CDC42BPA: variants seen among roughly 807,000 people sequenced by gnomAD.
CDC42BPA encodes the protein serine/threonine-protein kinase MRCK alpha.
CDC42BPA carries 80 observed loss-of-function variants against 223.5 expected under a neutral mutation model. That is an observed-to-expected ratio of 0.36 (90% CI 0.30 to 0.43). The LOEUF (loss-of-function observed/expected upper bound fraction) is 0.43, where lower values mean the gene tolerates loss of function less well. Ranked by LOEUF, CDC42BPA falls within the 20% of genes least tolerant of loss-of-function variation. CDC42BPA has a pLI of 1.00. For missense variants in CDC42BPA, 1,743 were observed against 2,099.9 expected (o/e 0.83, Z 3.32); for synonymous variants, 694 against 718.6 (o/e 0.97, Z 0.55).
intron 1 of CDC42BPA, among the ~76,000 whole-genome samples, chr1:227,305,703 C>T (rs532404919): frequency 2.6e-5 from 4 of 152,224 alleles, no homozygotes; most frequent in East Asian, 1.9e-4. Context: ...TGGTGGCTCA[C>T]GCCTGTAATC....
intron 24 of CDC42BPA, among the ~76,000 whole-genome samples, chr1:227,039,279 A>G (rs1670903346): frequency 6.6e-6 from 1 of 152,202 alleles, no homozygotes; most frequent in South Asian, 2.1e-4. Flanking sequence ...GGGTGGTATA[A>G]TTGCTTACAA....
chr1:227,120,043 G>C, intron 11 of CDC42BPA, 106 bp from the exon 12 acceptor site: 2 of 775,978 alleles, frequency 2.6e-6, no homozygotes, highest in South Asian at 1.9e-5. Context: ...TTTCAATTTA[G>C]TGTTAGATCT....
chr1:227,261,046 G>A (rs894004097), intron 1 of CDC42BPA, among the ~76,000 whole-genome samples: 2 of 150,598 alleles, frequency 1.3e-5, no homozygotes, highest in Non-Finnish European at 2.9e-5. Context: ...GACACATGAA[G>A]GTTAAAAACA....
intron 35 of CDC42BPA, among the ~76,000 whole-genome samples, chr1:227,003,475 C>T (rs957144930): frequency 6.6e-6 from 1 of 152,200 alleles, no homozygotes; most frequent in East Asian, 1.9e-4. Flanking sequence ...AGTGAAGCTA[C>T]AATGATCACT....
At chr1:227,295,600 C>T (rs533788476) in intron 1 of CDC42BPA, among the ~76,000 whole-genome samples, 36 of 152,282 alleles carry the variant, frequency 2.4e-4, no homozygotes, top group Admixed American at 2.1e-3. Context: ...TTAGCTCTAA[C>T]AAAAAACTCA....
intron 1 of CDC42BPA, among the ~76,000 whole-genome samples, chr1:227,304,728 G>T (rs1475292262): frequency 6.6e-6 from 1 of 152,166 alleles, no homozygotes; most frequent in East Asian, 1.9e-4. Flanking sequence ...AATAATCAAA[G>T]TTATGGTTTA....
intron 5 of CDC42BPA, among the ~76,000 whole-genome samples, chr1:227,187,482 T>A: frequency 1.2e-5 from 1 of 84,260 alleles, no homozygotes; most frequent in Non-Finnish European, 2.5e-5. Context: ...AAGAGAAGAC[T>A]GGAAAAAAAA....
At position 227,112,330 on chromosome 1, in the gene CDC42BPA, A is replaced by C. The variant is rs781312341; in HGVS notation, c.1983T>G (p.Asn661Lys). The C allele has an allele frequency of 6.3e-7, 1 of 1,590,822 alleles. No individual in the cohort carries two copies. Among genetic ancestry groups the C allele is most frequent in the East Asian group, 2.3e-5 (1 of 43,930 alleles). ...AAGATACCTTCAGTCCCTCCAATTC[A>C]TTTTCCAGTTGCTTAGAATAGTGCT... ...QSEHYSKQLE[N>K]ELEGLKQKQI... Residue 661 changes from asparagine (N) to lysine (K), a missense_variant, in exon 14 of 37, where the codon AAT (asparagine) becomes AAG (lysine). This residue lies in a region of CDC42BPA where 464 missense variants were observed against 488.0 expected (regional missense o/e 0.95). Transcript: ENST00000366766.
intron 10 of CDC42BPA, among the ~76,000 whole-genome samples, chr1:227,133,996 T>TAAATAAATAAATAAATAAATAAAA (rs1167807097): frequency 2.6e-4 from 39 of 151,676 alleles, no homozygotes; most frequent in Admixed American, 1.5e-3. Context: ...AATAAATAAA[T>TAAATAAATAAATAAATAAATAAAA]AAAAAAGAAA....
intron 30 of CDC42BPA, among the ~76,000 whole-genome samples, chr1:227,027,229 T>TG (rs1668427228): frequency 6.6e-6 from 1 of 151,806 alleles, no homozygotes; most frequent in Non-Finnish European, 1.5e-5. Context: ...GGATGGAGGG[T>TG]GGGGGAAAAA....
At chr1:227,316,813 A>G (rs1021068945) in intron 1 of CDC42BPA, among the ~76,000 whole-genome samples, 192 bp downstream of exon 1, 13 of 152,250 alleles carry the variant, frequency 8.5e-5, no homozygotes, top group African/African-American at 3.1e-4. Flanking sequence ...TCAAGGCAAC[A>G]ATTGAGCAGC....
intron 34 of CDC42BPA, among the ~76,000 whole-genome samples, chr1:227,015,024 T>C (rs1218964749): frequency 6.6e-6 from 1 of 152,124 alleles, no homozygotes; most frequent in Non-Finnish European, 1.5e-5. Flanking sequence ...ACGGCAATCA[T>C]AGCTCCCCGC....
Position 227,145,509 on chromosome 1 carries a change from C to T in CDC42BPA, c.1123G>A (p.Asp375Asn), listed in dbSNP as rs775826252. ...CTTACAGAATTTTTTAAACAATCATCATCTACATCAAAATTCGATGTATCT... is the reference window on the plus strand; with the variant it reads ...CTTACAGAATTTTTTAAACAATCATTATCTACATCAAAATTCGATGTATCT... ...PTDTSNFDVDDDCLKNSETMP... is the reference protein window; with the variant it reads ...PTDTSNFDVDNDCLKNSETMP... Residue 375 changes from aspartate (D) to asparagine (N), a missense_variant, in exon 8 of 37, where the codon GAT becomes AAT. Transcript: ENST00000366766. The T allele has an allele frequency of 2.5e-6, 4 of 1,613,104 alleles. No individual in the cohort carries two copies. The African/African-American group carries it at 5.3e-5, about 22-fold the overall frequency.
intron 21 of CDC42BPA, among the ~76,000 whole-genome samples, chr1:227,054,923 T>A (rs2148897780): frequency 6.6e-6 from 1 of 151,910 alleles, no homozygotes; most frequent in East Asian, 1.9e-4. Context: ...TTAAACAAAA[T>A]CAAGTAATTT....
chr1:226,999,969 G>C (rs1001822549), intron 35 of CDC42BPA, among the ~76,000 whole-genome samples: 3 of 151,590 alleles, frequency 2.0e-5, no homozygotes, highest in Admixed American at 1.3e-4. Flanking sequence ...GGTTAGGGGA[G>C]GGATAGCATT....
chr1:227,039,041 C>G (rs543768344), intron 24 of CDC42BPA, among the ~76,000 whole-genome samples: 1 of 152,302 alleles, frequency 6.6e-6, no homozygotes, highest in Admixed American at 6.5e-5. Flanking sequence ...TGACAATGCT[C>G]CTCCTGCTCA....
intron 1 of CDC42BPA, among the ~76,000 whole-genome samples, chr1:227,263,436 A>T (rs950732574): frequency 1.3e-5 from 2 of 152,202 alleles, no homozygotes; most frequent in Non-Finnish European, 2.9e-5. Context: ...AAGTTAATTT[A>T]TATCAATTTA....
chr1:227,282,827 G>C (rs986178289), intron 1 of CDC42BPA, among the ~76,000 whole-genome samples: 1 of 152,170 alleles, frequency 6.6e-6, no homozygotes, highest in African/African-American at 2.4e-5. Flanking sequence ...AGTAGCCAGA[G>C]GGCAAGGTAT....
At chr1:227,295,942 ACAGT>A (rs924117610) in intron 1 of CDC42BPA, among the ~76,000 whole-genome samples, 1 of 152,170 alleles carries the variant, frequency 6.6e-6, no homozygotes. Context: ...GCTAGAAAAC[ACAGT>A]CAATCGGGTT....
Sources: allele counts gnomAD v4.1 joint callset (sites outside exome capture counted in the v4.1 genomes callset), GRCh38; gene constraint gnomAD v4.1.1; regional missense constraint gnomAD v4.1.1; transcripts MANE v1.5; gene names NCBI Gene and HGNC (gene_info 2026-07-23, HGNC 2026-07-21).